HECW2: variants seen among roughly 807,000 people sequenced by gnomAD.
HECW2 encodes the protein E3 ubiquitin-protein ligase HECW2.
A neutral mutation model predicts 175.2 loss-of-function variants in HECW2; 61 were observed. The ratio of observed to expected loss-of-function variants is 0.35; its 90% CI spans 0.28 to 0.43. The LOEUF is 0.43. HECW2 is among the 20% of genes least tolerant of loss of function. The pLI, the probability that HECW2 is intolerant of heterozygous loss-of-function variation, is 1.00. For synonymous variants in HECW2, 671 were observed against 731.0 expected (o/e 0.92, Z 1.32); for missense variants, 1,524 against 2,000.5 (o/e 0.76, Z 4.54).
chr2:196,472,753 C>T (rs1697263275), intron 1 of HECW2, among the ~76,000 whole-genome samples: 1 of 152,056 alleles, frequency 6.6e-6, no homozygotes, highest in African/African-American at 2.4e-5. Flanking sequence ...TCCCAAGTAG[C>T]TGAGATTACA....
At chr2:196,588,390 T>C (rs1231380474) in intron 1 of HECW2, among the ~76,000 whole-genome samples, 1 of 152,194 alleles carries the variant, frequency 6.6e-6, no homozygotes, top group African/African-American at 2.4e-5. Context: ...GATCTTACTT[T>C]GAGAATTAAA....
rs141402631 is a variant in HECW2, at chr2:196,343,917, C to T, written c.293-153G>A. Among the ~76,000 whole-genome samples, 20 of 152,112 alleles carry T rather than the reference C, an allele frequency of 1.3e-4. No individual in the cohort carries two copies. In the East Asian group the frequency reaches 3.5e-3, roughly 26 times the overall value. On this transcript the variant is annotated intron_variant, in intron 2 of 28. Transcript: ENST00000644978. ...ATGACTACCTCCCAGCAGAGTATTA[C>T]CCGAGTTTCTGTGCTTGCATTTATG...
chr2:196,542,590 C>T (rs1261642109), intron 1 of HECW2, among the ~76,000 whole-genome samples: 1 of 152,040 alleles, frequency 6.6e-6, no homozygotes, highest in Non-Finnish European at 1.5e-5. Flanking sequence ...GTCTCCCTTA[C>T]ACCCTTTTCT....
At chr2:196,432,848 G>A (rs918094311) in intron 2 of HECW2, among the ~76,000 whole-genome samples, 1 of 152,138 alleles carries the variant, frequency 6.6e-6, no homozygotes, top group Non-Finnish European at 1.5e-5. Flanking sequence ...TTTTATTGGT[G>A]CAATTACTTT....
chr2:196,229,419 G>A (rs1687968475), intron 21 of HECW2, among the ~76,000 whole-genome samples: 1 of 152,156 alleles, frequency 6.6e-6, no homozygotes, highest in East Asian at 1.9e-4. Flanking sequence ...CAGCACTTTG[G>A]GAAGCCAAGG....
chr2:196,321,229 T>C (rs1691929396), intron 7 of HECW2, among the ~76,000 whole-genome samples: 1 of 152,188 alleles, frequency 6.6e-6, no homozygotes, highest in Non-Finnish European at 1.5e-5. Context: ...GTTTAGTTTT[T>C]GCCTTGCCTG....
At position 196,194,874 on chromosome 2, in the gene HECW2, A is replaced by G. The variant is rs1354250861; in HGVS notation, c.*6403T>C. ...GTGAAGAGAAATTAAAAGCTTAAAA[A>G]AATACACCACCTGTGTTCTACTGAA... On this transcript the variant is annotated 3_prime_UTR_variant, in exon 29 of 29. Coordinates refer to ENST00000644978, the MANE Select transcript of HECW2 (RefSeq NM_001348768.2). 1.3e-5 allele frequency: 2 copies of G among 152,212 alleles called. No homozygotes were observed. The highest frequency in any genetic ancestry group is 4.8e-5 in the African/African-American group (2 of 41,458). The allele number at this position is 152,212 out of a possible 1,614,324, so 9.4% of individuals were successfully genotyped here. A position where few individuals can be genotyped will look rare whatever the true frequency, so the allele number is the denominator to read the frequency against.
intron 14 of HECW2, among the ~76,000 whole-genome samples, chr2:196,283,309 C>CAACATGATG (rs1378269134): frequency 1.2e-4 from 17 of 146,084 alleles, no homozygotes; most frequent in Non-Finnish European, 1.9e-4. Flanking sequence ...GGGGCTCTTG[C>CAACATGATG]AACATGATGA....
intron 1 of HECW2, among the ~76,000 whole-genome samples, chr2:196,559,639 T>TG (rs1344096781): frequency 6.6e-6 from 1 of 152,224 alleles, no homozygotes; most frequent in Non-Finnish European, 1.5e-5. Context: ...CCTTTTTTCT[T>TG]GGAGTTTTCT....
chr2:196,374,834 TAA>T (rs770227570), intron 2 of HECW2, among the ~76,000 whole-genome samples: 69 of 113,142 alleles, frequency 6.1e-4, no homozygotes, highest in Admixed American at 7.3e-4. Flanking sequence ...AAGGGAAGAG[TAA>T]AAAAAAAAAA....
chr2:196,310,680 G>A (rs12619045), intron 10 of HECW2, among the ~76,000 whole-genome samples: 113,932 of 152,042 alleles, frequency 0.75, 43,097 homozygotes, highest in East Asian at 0.98. Context: ...GAGTTAGAAG[G>A]CTGAGGACTT....
At chr2:196,470,293 C>T (rs2125348113) in intron 1 of HECW2, among the ~76,000 whole-genome samples, 1 of 148,754 alleles carries the variant, frequency 6.7e-6, no homozygotes, top group Non-Finnish European at 1.5e-5. Flanking sequence ...GACCTTGTCT[C>T]CAAAAAAAAA....
chr2:196,496,169 C>A (rs1012598574), intron 1 of HECW2, among the ~76,000 whole-genome samples: 5 of 152,044 alleles, frequency 3.3e-5, no homozygotes, highest in African/African-American at 1.2e-4. Context: ...TTGGCTGAAA[C>A]TCTACAGCTT....
At chr2:196,334,211 G>A (rs1304688340) in intron 4 of HECW2, among the ~76,000 whole-genome samples, 3 of 152,186 alleles carry the variant, frequency 2.0e-5, no homozygotes, top group Non-Finnish European at 4.4e-5. Context: ...ACAAATGGCT[G>A]TTACAAATCA....
intron 14 of HECW2, among the ~76,000 whole-genome samples, chr2:196,286,401 T>TATATATATATATATATATATATATATATA (rs60469417): frequency 6.6e-6 from 1 of 150,898 alleles, no homozygotes; most frequent in African/African-American, 2.4e-5. Flanking sequence ...TATATATATA[T>TATATATATATATATATATATATATATATA]TTAAATCCAT....
rs1441084502 is a variant in HECW2 at position 196,320,274 on chromosome 2, A to G, written c.985+65T>C. 82 of 922,124 alleles carry G rather than the reference A, an allele frequency of 8.9e-5. 1 individual carries two copies. In the East Asian group the frequency reaches 2.1e-3, roughly 24 times the overall value. 57.1% of individuals were successfully genotyped at this position (922,124 alleles called of 1,614,324 possible). A position where few individuals can be genotyped will look rare whatever the true frequency, so the allele number is the denominator to read the frequency against. On this transcript the variant is annotated intron_variant, in intron 8 of 28. Transcript: ENST00000644978. ...AATTCTGTTCAGAAGCAAACTGACA[A>G]TCGAGTTAGGTTTAACAAGTTTTTC...
chr2:196,439,194 G>A (rs1451170010), intron 1 of HECW2, among the ~76,000 whole-genome samples: 1 of 152,118 alleles, frequency 6.6e-6, no homozygotes, highest in East Asian at 1.9e-4. Context: ...AAGTAGCCAT[G>A]GTTATTTTAG....
intron 26 of HECW2, 136 bp downstream of exon 26, chr2:196,219,903 G>C (rs762399108): frequency 3.2e-6 from 2 of 629,020 alleles, no homozygotes; most frequent in Non-Finnish European, 5.7e-6. Flanking sequence ...CTTGCCCAAG[G>C]TCTCAAGGGA....
In HECW2 at chr2:196,404,819, C is replaced by CTT. The variant is rs71012909; in HGVS notation, c.292+28311_292+28312dup. On this transcript the variant is annotated intron_variant, in intron 2 of 28. Transcript: ENST00000644978. The stretch of plus-strand genomic sequence containing the variant: ...TTTCTTTTTTTTTCTTTTTTCTTCT[C>CTT]TTTTTTTTTTTTTTTTTTTTTTTGA... Among the ~76,000 whole-genome samples, 51 of 80,370 alleles carry CTT rather than the reference C, an allele frequency of 6.3e-4. 2 individuals carry two copies. Among genetic ancestry groups the CTT allele is most frequent in the South Asian group, 6.0e-3 (12 of 1,984 alleles). 52.7% of individuals were successfully genotyped at this position (80,370 alleles called of 152,430 possible). A position where few individuals can be genotyped will look rare whatever the true frequency, so the allele number is the denominator to read the frequency against.
Sources: allele counts gnomAD v4.1 joint callset (sites outside exome capture counted in the v4.1 genomes callset), GRCh38; gene constraint gnomAD v4.1.1; transcripts MANE v1.5; gene names NCBI Gene and HGNC (gene_info 2026-07-23, HGNC 2026-07-21).